The following NFAT5 variants were observed in gnomAD, a reference collection of about 807,000 sequenced individuals.
NFAT5 encodes nuclear factor of activated T-cells 5.
NFAT5 carries 31 observed loss-of-function variants against 166.5 expected under a neutral mutation model. That is an observed-to-expected ratio of 0.19 (90% CI 0.14 to 0.25). NFAT5 has a LOEUF of 0.25. Ranked by LOEUF, NFAT5 falls within the 10% of genes least tolerant of loss-of-function variation. NFAT5 has a pLI of 1.00. For missense variants in NFAT5, 1,449 were observed against 1,821.8 expected (o/e 0.80, Z 3.72); for synonymous variants, 612 against 639.7 (o/e 0.96, Z 0.65).
At chr16:69,601,543 A>T (rs886470889) in intron 2 of NFAT5, among the ~76,000 whole-genome samples, 1 of 152,000 alleles carries the variant, frequency 6.6e-6, no homozygotes, top group Non-Finnish European at 1.5e-5. Context: ...AATATTTTTT[A>T]AAAATTTTTT....
chr16:69,616,252 C>T (rs2033939216), intron 2 of NFAT5, among the ~76,000 whole-genome samples: 2 of 151,876 alleles, frequency 1.3e-5, no homozygotes, highest in Non-Finnish European at 2.9e-5. Flanking sequence ...TTGTAACTCC[C>T]CGTGCTGGGC....
intron 2 of NFAT5, among the ~76,000 whole-genome samples, chr16:69,614,821 T>G (rs979436691): frequency 2.6e-5 from 4 of 152,072 alleles, no homozygotes; most frequent in Admixed American, 6.5e-5. Context: ...CTCTTTAGTT[T>G]CTTTGAATCT....
At position 69,695,331 on chromosome 16, in the gene NFAT5, C is replaced by G; in HGVS notation, c.4610C>G (p.Ser1537Ter). 1 of 1,614,160 alleles carries G rather than the reference C, an allele frequency of 6.2e-7. No homozygotes were observed. Among genetic ancestry groups the G allele is most frequent in the Non-Finnish European group, 8.5e-7 (1 of 1,180,004 alleles). ...QNIEKIDLLVSLQNQGNNLTG... is the reference protein window; with the variant it reads ...QNIEKIDLLV ...ATCGAAAAGATTGATTTGCTTGTTTCATTGCAAAACCAAGGGAACAACTTG... is the reference window on the plus strand; with the variant it reads ...ATCGAAAAGATTGATTTGCTTGTTTGATTGCAAAACCAAGGGAACAACTTG... The change falls in exon 14 of 15, where the codon TCA becomes TGA. Residue 1537 changes from serine (S) to a stop codon, truncating the protein, a stop_gained. Transcript: ENST00000349945. LOFTEE classifies it high-confidence loss of function.
At chr16:69,588,389 T>C (rs1329540806) in intron 2 of NFAT5, among the ~76,000 whole-genome samples, 2 of 152,234 alleles carry the variant, frequency 1.3e-5, no homozygotes, top group Non-Finnish European at 1.5e-5. Context: ...GGGTTGCCTG[T>C]ATTTGGTGAA....
At chr16:69,641,150 CA>C (rs1329780655) in intron 3 of NFAT5, among the ~76,000 whole-genome samples, 1 of 149,002 alleles carries the variant, frequency 6.7e-6, no homozygotes, top group Non-Finnish European at 1.5e-5. Context: ...TGGTGGCGGG[CA>C]CCTGTAGTCC....
rs1190306661 is a variant in NFAT5, at chr16:69,568,346, A to ATATATATATG, written c.74-148_74-147insATATATATGT. Reference sequence around the variant, plus strand: ...AAAATGTATGTGTGTATATATATATATGTGTGTGTGTGTGTGTGTGTGTGT... The same window carrying ATATATATATG: ...AAAATGTATGTGTGTATATATATATATATATATATGTGTGTGTGTGTGTGTGTGTGTGTGT... On this transcript the variant is annotated intron_variant, in intron 1 of 14. Coordinates refer to ENST00000349945, the MANE Select transcript of NFAT5 (RefSeq NM_138713.4). 8 of 180,670 alleles carry ATATATATATG rather than the reference A, an allele frequency of 4.4e-5. No homozygotes were observed. In the East Asian group the frequency reaches 6.7e-4, roughly 15 times the overall value. The allele number at this position is 180,670 out of a possible 1,614,324, so 11.2% of individuals were successfully genotyped here.
At position 69,566,064 on chromosome 16, in the gene NFAT5, G is replaced by T; in HGVS notation, c.-238G>T. ...TTGGCTCTCCCCCTTCCCCTTCCCC[G>T]TCCTGAACCCCTCTCCTGGTCACCG... On this transcript the variant is annotated 5_prime_UTR_variant, in exon 1 of 15. Transcript: ENST00000349945. The surrounding 1 kb of genome is among the most constrained non-coding windows in gnomAD (Gnocchi z 5.7). 2.8e-6 allele frequency: 1 copy of T among 359,060 alleles called. No individual in the cohort carries two copies. Among genetic ancestry groups the T allele is most frequent in the Non-Finnish European group, 5.1e-6 (1 of 195,406 alleles). The allele number at this position is 359,060 out of a possible 1,614,324, so 22.2% of individuals were successfully genotyped here.
At chr16:69,568,938 T>G (rs564783394) in intron 2 of NFAT5, among the ~76,000 whole-genome samples, 1 of 152,218 alleles carries the variant, frequency 6.6e-6, no homozygotes, top group Non-Finnish European at 1.5e-5. Context: ...TTAGAACATT[T>G]ATATGCTGAG....
intron 2 of NFAT5, among the ~76,000 whole-genome samples, chr16:69,616,796 T>G (rs1186457928): frequency 6.6e-6 from 1 of 151,412 alleles, no homozygotes; most frequent in Non-Finnish European, 1.5e-5. Context: ...CTCATTTATG[T>G]CCTCCTCACC....
At chr16:69,646,511 T>C in intron 3 of NFAT5, 1 of 1,229,532 alleles carries the variant, frequency 8.1e-7, no homozygotes. Flanking sequence ...CATATTTTTA[T>C]TCCAGGATTT....
chr16:69,619,152 C>T (rs143211265), intron 2 of NFAT5, among the ~76,000 whole-genome samples: 1 of 152,246 alleles, frequency 6.6e-6, no homozygotes, highest in East Asian at 1.9e-4. Flanking sequence ...GATTTTTACT[C>T]TCTGACCCGA....
intron 11 of NFAT5, among the ~76,000 whole-genome samples, chr16:69,686,845 A>G (rs189103120): frequency 6.6e-6 from 1 of 152,238 alleles, no homozygotes; most frequent in African/African-American, 2.4e-5. Flanking sequence ...CCTGGGCGAC[A>G]CAGTAAAACT....
chr16:69,687,404 G>A (rs957267323), intron 11 of NFAT5, among the ~76,000 whole-genome samples: 4 of 140,394 alleles, frequency 2.8e-5, no homozygotes, highest in Non-Finnish European at 4.5e-5. Flanking sequence ...TTGAGCCACT[G>A]CACTCCAGCT....
chr16:69,597,117 T>A (rs775986983), intron 2 of NFAT5, among the ~76,000 whole-genome samples: 1 of 152,080 alleles, frequency 6.6e-6, no homozygotes, highest in Non-Finnish European at 1.5e-5. Flanking sequence ...GTTAGAAGTT[T>A]TGGAGGTAAA....
chr16:69,691,310 C>T (rs1414953438), intron 12 of NFAT5, among the ~76,000 whole-genome samples: 1 of 152,100 alleles, frequency 6.6e-6, no homozygotes, highest in Non-Finnish European at 1.5e-5. Flanking sequence ...CTAATTTTAG[C>T]ATTTTCAGAA....
At chr16:69,570,616 T>A (rs2016372921) in intron 2 of NFAT5, among the ~76,000 whole-genome samples, 1 of 152,102 alleles carries the variant, frequency 6.6e-6, no homozygotes, top group African/African-American at 2.4e-5. Context: ...TTAATTACTC[T>A]GTATAGTTTA....
chr16:69,605,063 C>T (rs1409742143), intron 2 of NFAT5, among the ~76,000 whole-genome samples: 2 of 152,070 alleles, frequency 1.3e-5, no homozygotes, highest in Admixed American at 1.3e-4. Context: ...ATTTTTAATT[C>T]TTTTAAGTAT....
intron 3 of NFAT5, 121 bp downstream of exon 3, chr16:69,626,649 A>G (rs756551385): frequency 2.8e-5 from 21 of 756,240 alleles, no homozygotes; most frequent in Non-Finnish European, 3.7e-5. Context: ...AAAAAGAGGC[A>G]TTAAAATATG....
intron 7 of NFAT5, among the ~76,000 whole-genome samples, chr16:69,667,942 T>C (rs932833684): frequency 2.6e-5 from 4 of 152,050 alleles, no homozygotes; most frequent in Non-Finnish European, 5.9e-5. Context: ...TTCTAGACAA[T>C]ACTTATTTTT....
Sources: gnomAD v4.1 joint callset for allele counts (sites outside exome capture counted in the v4.1 genomes callset) on GRCh38, gnomAD v4.1.1 for gene constraint, Gnocchi (gnomAD v3.1) non-coding constraint, MANE v1.5 for transcripts, NCBI Gene and HGNC (gene_info 2026-07-23, HGNC 2026-07-21) for gene names.